The following MCTP2 variants were observed in gnomAD, a reference collection of about 807,000 sequenced individuals.
The protein encoded by MCTP2 is multiple C2 and transmembrane domain-containing protein 2.
A neutral mutation model predicts 111.6 loss-of-function variants in MCTP2; 132 were observed. The observed-to-expected ratio is 1.18, with a 90% CI of 1.03 to 1.37. The LOEUF (loss-of-function observed/expected upper bound fraction) is 1.37, where lower values mean the gene tolerates loss of function less well. Ranked by LOEUF, MCTP2 falls within the 40% of genes most tolerant of loss-of-function variation. The pLI is 0.00. For synonymous variants in MCTP2, 395 were observed against 387.7 expected (o/e 1.02, Z -0.22); for missense variants, 1,183 against 1,067.9 (o/e 1.11, Z -1.50).
chr15:94,437,984 A>G (rs913448791), intron 17 of MCTP2, among the ~76,000 whole-genome samples: 3 of 152,130 alleles, frequency 2.0e-5, no homozygotes, highest in African/African-American at 7.2e-5. Context: ...GAGACAGAAT[A>G]AAGATCATAC....
chr15:94,450,514 TGCTAA>T (rs1261790831), intron 19 of MCTP2, among the ~76,000 whole-genome samples: 1 of 152,264 alleles, frequency 6.6e-6, no homozygotes, highest in Non-Finnish European at 1.5e-5. Flanking sequence ...TTATGACAGA[TGCTAA>T]GCTTTTTTTC....
chr15:94,470,559 T>A, intron 21 of MCTP2, 117 bp downstream of exon 21: 2 of 816,762 alleles, frequency 2.4e-6, no homozygotes, highest in Non-Finnish European at 4.1e-6. Flanking sequence ...AACATGAGAT[T>A]AAGGAAAGCA....
rs186763798 is a variant in MCTP2 at position 94,281,286 on chromosome 15, G to C, written c.-65-16915G>C. Among the ~76,000 whole-genome samples, 3 of 152,200 alleles carry C rather than the reference G, an allele frequency of 2.0e-5. No homozygotes were observed. In the East Asian group the frequency reaches 5.8e-4, roughly 29 times the overall value. Reference sequence around the variant, plus strand: ...AAATTTAGGATAGTTGATTCTTCTTGTTGAATTGAACTCTTTATCATTATG... The same window carrying C: ...AAATTTAGGATAGTTGATTCTTCTTCTTGAATTGAACTCTTTATCATTATG... On this transcript the variant is annotated intron_variant, in intron 1 of 22. Coordinates refer to ENST00000357742, the MANE Select transcript of MCTP2 (RefSeq NM_001385001.1).
intron 16 of MCTP2, 84 bp downstream of exon 16, chr15:94,400,079 C>T (rs2081489549): frequency 1.6e-6 from 2 of 1,217,208 alleles, no homozygotes; most frequent in Non-Finnish European, 2.4e-6. Context: ...GTAATTTCTT[C>T]CTTGAAACTT....
chr15:94,421,002 C>T (rs1439127608), intron 17 of MCTP2, among the ~76,000 whole-genome samples: 2 of 152,094 alleles, frequency 1.3e-5, no homozygotes, highest in Non-Finnish European at 1.5e-5. Context: ...CCTTCAGCAA[C>T]CACCACCCTG....
chr15:94,402,839 C>G (rs181191377), intron 17 of MCTP2: 2 of 1,296,716 alleles, frequency 1.5e-6, no homozygotes, highest in Non-Finnish European at 2.0e-6. Context: ...AAAACTAATA[C>G]GAGGTATGAG....
In MCTP2 at chr15:94,388,627, G is replaced by A. The variant is rs560988950; in HGVS notation, c.1788+3102G>A. Among the ~76,000 whole-genome samples, 358 of 151,658 alleles carry A rather than the reference G, an allele frequency of 2.4e-3. 3 individuals are homozygous for A. The highest frequency in any genetic ancestry group is 3.9e-3 in the Non-Finnish European group (264 of 67,858). ...GTTTTAACCTACTTATTTAGATCTA[G>A]TTTTTTTTTCTTTAATCTCTCTTGA... On this transcript the variant is annotated intron_variant, in intron 14 of 22. Transcript: ENST00000357742.
At chr15:94,294,613 A>G (rs1252138799) in intron 1 of MCTP2, among the ~76,000 whole-genome samples, 1 of 152,230 alleles carries the variant, frequency 6.6e-6, no homozygotes, top group Non-Finnish European at 1.5e-5. Flanking sequence ...TTAGAGATGC[A>G]ACTTTGTTTA....
At chr15:94,254,778 T>C (rs1216279098) in intron 1 of MCTP2, among the ~76,000 whole-genome samples, 1 of 152,232 alleles carries the variant, frequency 6.6e-6, no homozygotes, top group Non-Finnish European at 1.5e-5. Flanking sequence ...CTTGTCCTTA[T>C]GAGAGTAAGC....
At chr15:94,233,914 A>T (rs528533342) in intron 1 of MCTP2, among the ~76,000 whole-genome samples, 2 of 152,316 alleles carry the variant, frequency 1.3e-5, no homozygotes, top group East Asian at 3.9e-4. Context: ...ACAGAAATGG[A>T]AGGGGTTTTA....
At chr15:94,401,534 CTCTG>C (rs1200006211) in intron 16 of MCTP2, among the ~76,000 whole-genome samples, 1 of 152,178 alleles carries the variant, frequency 6.6e-6, no homozygotes, top group East Asian at 1.9e-4. Flanking sequence ...ATCTCTCTCT[CTCTG>C]TCTTTCTCTT....
At chr15:94,475,907 C>T (rs1046259277) in intron 21 of MCTP2, among the ~76,000 whole-genome samples, 1 of 112,736 alleles carries the variant, frequency 8.9e-6, no homozygotes, top group Non-Finnish European at 2.3e-5. Flanking sequence ...ACATCTTAAA[C>T]GTTCAACCCG....
intron 1 of MCTP2, chr15:94,273,813 T>C (rs866045963): frequency 3.6e-4 from 77 of 216,448 alleles, no homozygotes; most frequent in African/African-American, 1.6e-3. Context: ...GTCCTCTACA[T>C]TGAGCAGGTG....
intron 1 of MCTP2, among the ~76,000 whole-genome samples, chr15:94,240,418 T>A (rs16948821): frequency 0.026 from 3,979 of 152,234 alleles, 165 homozygotes; most frequent in East Asian, 0.12. Context: ...TGCACTCTGT[T>A]TTGCATCCCA....
chr15:94,434,949 C>T (rs962522178), intron 17 of MCTP2, among the ~76,000 whole-genome samples: 2 of 151,762 alleles, frequency 1.3e-5, no homozygotes, highest in Admixed American at 6.6e-5. Flanking sequence ...CTGCAACCTC[C>T]GCTCCTCGGG....
At chr15:94,232,840 T>A (rs2070283087) in intron 1 of MCTP2, among the ~76,000 whole-genome samples, 1 of 152,178 alleles carries the variant, frequency 6.6e-6, no homozygotes. Flanking sequence ...GCAATAAAAA[T>A]TGTCAAAACC....
intron 17 of MCTP2, among the ~76,000 whole-genome samples, chr15:94,410,558 A>AG (rs1704418137): frequency 6.6e-6 from 1 of 152,162 alleles, no homozygotes; most frequent in Admixed American, 6.5e-5. Context: ...AAAAAAAAAA[A>AG]GAAGAGGTAT....
At chr15:94,293,844 C>T (rs547066622) in intron 1 of MCTP2, among the ~76,000 whole-genome samples, 57 of 152,302 alleles carry the variant, frequency 3.7e-4, no homozygotes, top group Admixed American at 1.9e-3. Flanking sequence ...TCATATGACC[C>T]AGCAATCTCA....
chr15:94,436,045 G>A (rs2083459871), intron 17 of MCTP2, among the ~76,000 whole-genome samples: 1 of 152,154 alleles, frequency 6.6e-6, no homozygotes, highest in Non-Finnish European at 1.5e-5. Context: ...CTGCTTGAGT[G>A]TGCTCTGCAT....
Sources: allele counts gnomAD v4.1 joint callset (sites outside exome capture counted in the v4.1 genomes callset), GRCh38; gene constraint gnomAD v4.1.1; transcripts MANE v1.5; gene names NCBI Gene and HGNC (gene_info 2026-07-23, HGNC 2026-07-21).